Variants in ABCB6 observed in about 807,000 individuals in gnomAD.
ABCB6 encodes ATP-binding cassette sub-family B member 6.
ABCB6 carries 87 observed loss-of-function variants against 99.4 expected under a neutral mutation model. The observed-to-expected ratio is 0.88, with a 90% CI of 0.74 to 1.05. ABCB6 has a LOEUF of 1.05. Among genes scored for constraint, ABCB6 ranks in the 50% least tolerant of loss-of-function variants. The pLI is 0.00. For missense variants in ABCB6, 1,050 were observed against 1,097.9 expected (o/e 0.96, Z 0.62); for synonymous variants, 482 against 447.5 (o/e 1.08, Z -0.97).
chr2:219,218,585 G>A lies in ABCB6; in HGVS notation c.89C>T (p.Thr30Met), dbSNP rs1416556588. The change falls in exon 1 of 19, where the codon ACG becomes ATG. Residue 30 changes from threonine (T) to methionine (M), a missense_variant. Coordinates refer to ENST00000265316, the MANE Select transcript of ABCB6 (RefSeq NM_005689.4). ...QDGLSPCFFF[T>M]LVPSTRMALG... ...AGCCATCCGCGTCGAGGGCACGAGC[G>A]TGAAGAAGAAGCAGGGACTCAGGCC... 2.2e-5 allele frequency: 36 copies of A among 1,612,504 alleles called. No homozygotes were observed. Among genetic ancestry groups the A allele is most frequent in the Non-Finnish European group, 2.9e-5 (34 of 1,179,706 alleles).
rs1283576394 is a variant in ABCB6 at position 219,210,749 on chromosome 2, T to C, written c.2218A>G (p.Thr740Ala). 16 of 1,613,518 alleles carry C rather than the reference T, an allele frequency of 9.9e-6. No homozygotes were observed. Among genetic ancestry groups the C allele is most frequent in the East Asian group, 2.2e-5 (1 of 44,888 alleles). The change falls in exon 16 of 19, where the codon ACC (threonine) becomes GCC (alanine). Residue 740 changes from threonine (T) to alanine (A), a missense_variant. Physicochemically the swap from Thr to Ala is moderately conservative, Grantham distance 58. Coordinates refer to ENST00000265316, the MANE Select transcript of ABCB6 (RefSeq NM_005689.4). ...GEKQRVAIAR[T>A]ILKAPGIILL... Reference sequence around the variant, plus strand: ...ATGATGCCCGGAGCCTTGAGGATGGTGCGGGCAATGGCGACGCGCTGCTTC... The same window carrying C: ...ATGATGCCCGGAGCCTTGAGGATGGCGCGGGCAATGGCGACGCGCTGCTTC...
chr2:219,216,073 A>G lies in ABCB6; in HGVS notation c.1078T>C (p.Trp360Arg), dbSNP rs768559398. 3 of 1,601,754 alleles carry G rather than the reference A, an allele frequency of 1.9e-6. No individual in the cohort carries two copies. The South Asian group carries it at 3.4e-5, about 18-fold the overall frequency. The change falls in exon 5 of 19, where the codon TGG (tryptophan) becomes CGG (arginine). Residue 360 changes from tryptophan (W) to arginine (R), a missense_variant. Transcript: ENST00000265316. The surrounding 1 kb of genome is among the most constrained non-coding windows in gnomAD (Gnocchi z 4.2). The part of the protein sequence containing the change: ...FSHLHELSLR[W>R]HLGRRTGEVL... ...TCCCCTGTGCGGCGCCCCAGGTGCCAGCGCAGTGAGAGCTCGTGCAGGTGG... is the reference window on the plus strand; with the variant it reads ...TCCCCTGTGCGGCGCCCCAGGTGCCGGCGCAGTGAGAGCTCGTGCAGGTGG...
At chr2:219,215,294 G>T in intron 5 of ABCB6, 1 of 558,878 alleles carries the variant, frequency 1.8e-6, no homozygotes, top group Non-Finnish European at 3.1e-6. Context: ...AGACCTTCAG[G>T]CATGGAAGAA....
At position 219,218,193 on chromosome 2, in the gene ABCB6, C is replaced by G. The variant is rs770778334; in HGVS notation, c.481G>C (p.Glu161Gln). 5.0e-6 allele frequency: 8 copies of G among 1,613,726 alleles called. No homozygotes were observed. The East Asian group carries it at 1.8e-4, about 36-fold the overall frequency. ...TTCCAAGACACCAGGGCCAAGTTCT[C>G]AGCTGCAAACGCCACAGTCCAGAGG... Reference protein sequence around the residue: ...LLLWTVAFAAENLALVSWNSP... With the variant: ...LLLWTVAFAAQNLALVSWNSP... The change falls in exon 1 of 19, where the codon GAG becomes CAG. Residue 161 changes from glutamate to glutamine, a missense_variant. Glu to Gln is a conservative substitution (Grantham distance 29). Transcript: ENST00000265316.
chr2:219,211,072 C>G lies in ABCB6; in HGVS notation c.2005G>C (p.Val669Leu), dbSNP rs1307984453. ...TTAAAGAGGACAGTGTCTTGGGGCA[C>G]AACTCCAATGTGAGACCGGAGAGAG... ...QASLRSHIGV[V>L]PQDTVLFNDT... Residue 669 changes from valine (V) to leucine (L), a missense_variant, in exon 15 of 19, where the codon GTG becomes CTG. Val to Leu is a conservative substitution (Grantham distance 32). Transcript: ENST00000265316. 32 of 1,614,048 alleles carry G rather than the reference C, an allele frequency of 2.0e-5. No individual in the cohort carries two copies. The highest frequency in any genetic ancestry group is 2.6e-5 in the Non-Finnish European group (31 of 1,180,042).
At chr2:219,214,671 G>A (rs754034162) in intron 6 of ABCB6, 173 bp from the exon 7 acceptor site, 5 of 640,124 alleles carry the variant, frequency 7.8e-6, no homozygotes, top group African/African-American at 3.7e-5. Context: ...TGTAGAAAAC[G>A]CTTTTGGTAA....
chr2:219,210,483 G>C lies in ABCB6; in HGVS notation c.2257-8C>G, dbSNP rs369988166. The C allele has an allele frequency of 1.2e-6, 2 of 1,613,370 alleles. No individual in the cohort carries two copies. The highest frequency in any genetic ancestry group is 1.3e-5 in the African/African-American group (1 of 74,924). On this transcript the variant is annotated splice_region_variant and splice_polypyrimidine_tract_variant and intron_variant, in intron 16 of 18. Coordinates refer to ENST00000265316, the MANE Select transcript of ABCB6 (RefSeq NM_005689.4). ...ATCCAGCGCTGACGTTGCCTATAGA[G>C]AGGGTCCAGGTAAAACTGCTCCTGC...
rs1950640963 is a variant in ABCB6, at chr2:219,216,306, AG to A, written c.970+57del. 6.3e-7 allele frequency: 1 copy of A among 1,591,932 alleles called. No individual in the cohort carries two copies. The highest frequency in any genetic ancestry group is 1.3e-5 in the African/African-American group (1 of 74,388). ...GGAATGCTGGGAGAGGCGGATGCTG[AG>A]GGAATGCCTGTGGGAGGGACCTATA... On this transcript the variant is annotated intron_variant, in intron 4 of 18. Transcript: ENST00000265316. This position sits in a 1 kb window ranked among gnomAD's most constrained non-coding sequence, Gnocchi z 4.2.
At chr2:219,212,882 A>G in intron 13 of ABCB6, 126 bp downstream of exon 13, 1 of 1,094,322 alleles carries the variant, frequency 9.1e-7, no homozygotes, top group Non-Finnish European at 1.4e-6. Context: ...TGGAGGCTGC[A>G]CCATTCAATC....
rs925305210 is a variant in ABCB6, at chr2:219,210,939, G to A, written c.2138C>T (p.Pro713Leu). 1.9e-6 allele frequency: 3 copies of A among 1,614,032 alleles called. No individual in the cohort carries two copies. In the African/African-American group the frequency reaches 4.0e-5, roughly 22 times the overall value. Residue 713 changes from proline to leucine, a missense_variant, in exon 15 of 19, where the codon CCT (proline) becomes CTT (leucine). Pro to Leu is a moderately conservative substitution (Grantham distance 98). Coordinates refer to ENST00000265316, the MANE Select transcript of ABCB6 (RefSeq NM_005689.4). ...AGIHDAIMAFPEGYRTQVGER... is the reference protein window; with the variant it reads ...AGIHDAIMAFLEGYRTQVGER... ...TCTGCAAAGGAATCTCTCACCTTCA[G>A]GGAAAGCCATAATGGCATCATGGAT...
chr2:219,214,130 G>A lies in ABCB6; in HGVS notation c.1443C>T (p.Ile481=). The change falls in exon 8 of 19, where the codon ATC becomes ATT. Residue 481 remains isoleucine, a synonymous_variant. Transcript: ENST00000265316. ...YEVERYREAI[I]KYQGLEWKSS... is the part of the protein sequence containing the mutation. The stretch of plus-strand genomic sequence containing the variant: ...AAACTAGCATCCTCACCTGATATTT[G>A]ATGATGGCCTCTCGATAGCGTTCCA... The A allele has an allele frequency of 6.2e-7, 1 of 1,614,176 alleles. No homozygotes were observed. The highest frequency in any genetic ancestry group is 1.1e-5 in the South Asian group (1 of 91,086).
intron 6 of ABCB6, 49 bp downstream of exon 6, chr2:219,214,911 AG>A: frequency 6.2e-7 from 1 of 1,610,762 alleles, no homozygotes; most frequent in Non-Finnish European, 8.5e-7. Context: ...CTCATGGCCA[AG>A]GGAGTCCCTG....
In ABCB6 at chr2:219,216,026, CCGATCCG is replaced by C. The variant is rs765925019; in HGVS notation, c.1118_1124del (p.Ala373GlyfsTer47). On this transcript the variant is annotated frameshift_variant, in exon 5 of 19. Coordinates refer to ENST00000265316, the MANE Select transcript of ABCB6 (RefSeq NM_005689.4). LOFTEE classifies it high-confidence loss of function. The surrounding 1 kb of genome is among the most constrained non-coding windows in gnomAD (Gnocchi z 4.2). ...GCAGCCCTGTGACACTGGATGTGCC[CCGATCCG>C]CGATCCGCAGCACCTCCCCTGTGCG... 1.4e-5 allele frequency: 23 copies of C among 1,599,486 alleles called. No homozygotes were observed. Among genetic ancestry groups the C allele is most frequent in the East Asian group, 9.0e-5 (4 of 44,558 alleles).
chr2:219,216,832 C>G lies in ABCB6; in HGVS notation c.688G>C (p.Val230Leu). 6.2e-7 allele frequency: 1 copy of G among 1,609,902 alleles called. No individual in the cohort carries two copies. The highest frequency in any genetic ancestry group is 8.5e-7 in the Non-Finnish European group (1 of 1,178,422). The change falls in exon 3 of 19, where the codon GTT (valine) becomes CTT (leucine). Residue 230 changes from valine to leucine, a missense_variant and splice_region_variant. Transcript: ENST00000265316. This position sits in a 1 kb window ranked among gnomAD's most constrained non-coding sequence, Gnocchi z 4.2. ...EEDQDVERSQ[V>L]RSAAQQSTWR... is the part of the protein sequence containing the mutation. ...GTAGACTGTTGGGCTGCTGACCGAA[C>G]CTAGGATGGTGAAACACGTAGGAAG...
In ABCB6 at chr2:219,210,473, T is replaced by G; in HGVS notation, c.2259A>C (p.Ala753=). The change falls in exon 17 of 19, where the codon GCA becomes GCC. Residue 753 remains alanine, a splice_region_variant and synonymous_variant. Coordinates refer to ENST00000265316, the MANE Select transcript of ABCB6 (RefSeq NM_005689.4). ...KAPGIILLDE[A]TSALDTSNER... is the part of the protein sequence containing the mutation. ...CATTAGATGTATCCAGCGCTGACGT[T>G]GCCTATAGAGAGGGTCCAGGTAAAA... is the stretch of plus-strand genomic sequence containing the variant. 6.2e-7 allele frequency: 1 copy of G among 1,614,066 alleles called. No homozygotes were observed. Among genetic ancestry groups the G allele is most frequent in the South Asian group, 1.1e-5 (1 of 91,070 alleles).
At chr2:219,212,520 A>C in intron 13 of ABCB6, 29 bp from the exon 14 acceptor site, 44 of 1,579,560 alleles carry the variant, frequency 2.8e-5, no homozygotes, top group South Asian at 3.4e-5. Context: ...GAAAAATCTC[A>C]GGCCCACTGG....
chr2:219,216,424 A>G lies in ABCB6; in HGVS notation c.910T>C (p.Trp304Arg), dbSNP rs766823460. Reference protein sequence around the residue: ...TEKAPWNSLAWTVTSYVFLKF... With the variant: ...TEKAPWNSLARTVTSYVFLKF... ...AGGAAGACGTAACTGGTAACAGTCC[A>G]GGCCAGAGAGTTCCAAGGTGCCTTC... Residue 304 changes from tryptophan (W) to arginine (R), a missense_variant, in exon 4 of 19, where the codon TGG becomes CGG. Coordinates refer to ENST00000265316, the MANE Select transcript of ABCB6 (RefSeq NM_005689.4). This position sits in a 1 kb window ranked among gnomAD's most constrained non-coding sequence, Gnocchi z 4.2. 6 of 1,613,980 alleles carry G rather than the reference A, an allele frequency of 3.7e-6. 1 individual carries two copies. In the East Asian group the frequency reaches 1.3e-4, roughly 36 times the overall value.
Position 219,216,386 on chromosome 2 carries a change from C to G in ABCB6, c.948G>C (p.Gln316His). The part of the protein sequence containing the change: ...VTSYVFLKFL[Q>H]GGGTGSTGFV... ...TACCTGTACTGCCAGTGCCACCCCC[C>G]TGGAGGAACTTGAGGAAGACGTAAC... Residue 316 changes from glutamine to histidine, a missense_variant, in exon 4 of 19, where the codon CAG (glutamine) becomes CAC (histidine). By Grantham distance (24) the Gln-to-His change is conservative. Coordinates refer to ENST00000265316, the MANE Select transcript of ABCB6 (RefSeq NM_005689.4). The surrounding 1 kb of genome is among the most constrained non-coding windows in gnomAD (Gnocchi z 4.2). The G allele has an allele frequency of 6.2e-7, 1 of 1,614,064 alleles. No individual in the cohort carries two copies. The highest frequency in any genetic ancestry group is 8.5e-7 in the Non-Finnish European group (1 of 1,179,978).
Position 219,210,223 on chromosome 2 carries a change from C to T in ABCB6, c.2420+7G>A, listed in dbSNP as rs1166719979. ...AGACCTGTCCTTTTGATCTATGTGTCTCTTACCGTCCCCTCTCCACGATGC... is the reference window on the plus strand; with the variant it reads ...AGACCTGTCCTTTTGATCTATGTGTTTCTTACCGTCCCCTCTCCACGATGC... On this transcript the variant is annotated splice_region_variant and intron_variant, in intron 18 of 18. Coordinates refer to ENST00000265316, the MANE Select transcript of ABCB6 (RefSeq NM_005689.4). 4 of 1,614,202 alleles carry T rather than the reference C, an allele frequency of 2.5e-6. No individual in the cohort carries two copies. In the Admixed American group the frequency reaches 6.7e-5, roughly 27 times the overall value.
Sources: allele counts gnomAD v4.1 joint callset, GRCh38; gene constraint gnomAD v4.1.1; non-coding constraint Gnocchi (gnomAD v3.1); transcripts MANE v1.5; gene names NCBI Gene and HGNC (gene_info 2026-07-23, HGNC 2026-07-21).